Variants in EFCAB5 observed in about 807,000 individuals in gnomAD.
EFCAB5 encodes the protein EF-hand calcium binding domain 5, also known as EF-hand calcium-binding domain-containing protein 5.
A neutral mutation model predicts 167.9 loss-of-function variants in EFCAB5; 131 were observed. The ratio of observed to expected loss-of-function variants is 0.78; its 90% CI spans 0.68 to 0.90. EFCAB5 has a LOEUF of 0.90. Ranked by LOEUF, EFCAB5 falls within the 40% of genes least tolerant of loss-of-function variation. The pLI, the probability that EFCAB5 is intolerant of heterozygous loss-of-function variation, is 0.00. For synonymous variants in EFCAB5, 574 were observed against 602.8 expected (o/e 0.95, Z 0.70); for missense variants, 1,663 against 1,745.2 (o/e 0.95, Z 0.84).
At chr17:30,034,182 G>C in intron 7 of EFCAB5, 48 bp from the exon 8 acceptor site, 2 of 1,587,176 alleles carry the variant, frequency 1.3e-6, no homozygotes, top group South Asian at 1.1e-5. Flanking sequence ...AATCCAAGTA[G>C]AGCATGGTTT....
chr17:30,053,113 C>G (rs2070146496), intron 9 of EFCAB5, 142 bp from the exon 10 acceptor site: 2 of 958,914 alleles, frequency 2.1e-6, no homozygotes, highest in East Asian at 5.1e-5. Context: ...GTGTTGCAGC[C>G]AAAGATAACT....
chr17:30,080,804 C>A lies in EFCAB5; in HGVS notation c.3249C>A (p.Tyr1083Ter). 1 of 1,612,706 alleles carries A rather than the reference C, an allele frequency of 6.2e-7. No homozygotes were observed. The highest frequency in any genetic ancestry group is 8.5e-7 in the Non-Finnish European group (1 of 1,179,428). The change falls in exon 17 of 23, where the codon TAC becomes TAA. Residue 1083 changes from tyrosine to a stop codon, truncating the protein, a stop_gained. Transcript: ENST00000394835. LOFTEE classifies it high-confidence loss of function. ...GKPIHVPQVQ[Y>*]HGNIFFWNQS... ...CAATCCATGTTCCCCAAGTTCAGTA[C>A]CATGGGAACATCTTCTTCTGGAACC...
chr17:29,991,986 C>T (rs1185913606), intron 4 of EFCAB5, among the ~76,000 whole-genome samples: 4 of 152,112 alleles, frequency 2.6e-5, no homozygotes. Context: ...TGAAATCAAA[C>T]AAATTAGCAT....
chr17:30,004,637 T>C (rs1031207626), intron 7 of EFCAB5, among the ~76,000 whole-genome samples: 11 of 151,278 alleles, frequency 7.3e-5, no homozygotes, highest in Non-Finnish European at 1.3e-4. Context: ...TTTTTTTTTT[T>C]TGAGATGGAG....
At chr17:29,971,407 G>A (rs1044444238) in intron 4 of EFCAB5, among the ~76,000 whole-genome samples, 34 of 152,042 alleles carry the variant, frequency 2.2e-4, no homozygotes, top group Admixed American at 1.3e-4. Context: ...AAATAATAAT[G>A]GTGATATGGG....
intron 1 of EFCAB5, among the ~76,000 whole-genome samples, chr17:29,933,661 TG>T (rs2067221501): frequency 6.6e-6 from 1 of 152,168 alleles, no homozygotes; most frequent in Non-Finnish European, 1.5e-5. Context: ...ACCCTTAACT[TG>T]TATCAATACT....
chr17:30,062,400 A>C (rs1417853884), intron 14 of EFCAB5, among the ~76,000 whole-genome samples: 4 of 152,162 alleles, frequency 2.6e-5, no homozygotes, highest in African/African-American at 4.8e-5. Flanking sequence ...ACTTCTACCT[A>C]TGAAGTGGAA....
intron 7 of EFCAB5, among the ~76,000 whole-genome samples, chr17:30,025,723 T>A (rs1432773691): frequency 1.3e-5 from 2 of 152,188 alleles, no homozygotes; most frequent in African/African-American, 4.8e-5. Context: ...TGCACATGTG[T>A]GTTTATTGTG....
intron 7 of EFCAB5, among the ~76,000 whole-genome samples, chr17:30,033,494 G>C (rs1225516827): frequency 6.6e-6 from 1 of 152,146 alleles, no homozygotes; most frequent in Non-Finnish European, 1.5e-5. Context: ...ATTCGTTCCT[G>C]ACCTATCAAA....
intron 20 of EFCAB5, among the ~76,000 whole-genome samples, chr17:30,091,064 A>C (rs2071186317): frequency 6.6e-6 from 1 of 152,220 alleles, no homozygotes. Flanking sequence ...CCAGTCACAC[A>C]GTTAAGAAAT....
chr17:30,091,151 C>T (rs1477851064), intron 20 of EFCAB5, among the ~76,000 whole-genome samples: 2 of 152,124 alleles, frequency 1.3e-5, no homozygotes, highest in African/African-American at 2.4e-5. Flanking sequence ...CAGAACATCT[C>T]GTTTTACAGA....
At chr17:30,096,296 G>A (rs2071285593) in intron 22 of EFCAB5, among the ~76,000 whole-genome samples, 1 of 152,064 alleles carries the variant, frequency 6.6e-6, no homozygotes, top group South Asian at 2.1e-4. Context: ...TCTAACAGTA[G>A]TTATTAAGAG....
At chr17:30,084,009 A>C (rs2071039454) in intron 18 of EFCAB5, among the ~76,000 whole-genome samples, 1 of 152,142 alleles carries the variant, frequency 6.6e-6, no homozygotes, top group Admixed American at 6.5e-5. Context: ...AGTGGGTGGA[A>C]AGGTTTTTCC....
chr17:29,974,577 A>G (rs1244084643), intron 4 of EFCAB5, among the ~76,000 whole-genome samples: 1 of 152,062 alleles, frequency 6.6e-6, no homozygotes, highest in East Asian at 1.9e-4. Context: ...CTAGGTATAT[A>G]TATGTAAAAA....
intron 4 of EFCAB5, among the ~76,000 whole-genome samples, chr17:29,974,156 T>TAAA (rs556600386): frequency 1.7e-4 from 20 of 118,668 alleles, no homozygotes; most frequent in African/African-American, 6.1e-4. Flanking sequence ...AAACTCTATC[T>TAAA]AAAAAAAAAA....
intron 14 of EFCAB5, chr17:30,074,778 C>A (rs935558515): frequency 1.3e-5 from 2 of 152,136 alleles, no homozygotes; most frequent in African/African-American, 4.8e-5. Context: ...TTGAGCACGT[C>A]CTTGCTTTCT....
rs149442064 is a variant in EFCAB5 at position 30,011,376 on chromosome 17, A to G, written c.1044+11400A>G. ...GGTAGCTTGATGGGGATGGCACTGA[A>G]TCTATAAATTACCTTGGGCAGTATG... On this transcript the variant is annotated intron_variant, in intron 7 of 22. Coordinates refer to ENST00000394835, the MANE Select transcript of EFCAB5 (RefSeq NM_198529.4). Among the ~76,000 whole-genome samples the G allele has an allele frequency of 6.3e-3, 960 of 152,146 alleles. 5 individuals are homozygous for G. The highest frequency in any genetic ancestry group is 0.022 in the African/African-American group (921 of 41,512).
chr17:30,065,164 G>T (rs558878767), intron 14 of EFCAB5, among the ~76,000 whole-genome samples: 1 of 152,060 alleles, frequency 6.6e-6, no homozygotes, highest in Admixed American at 6.5e-5. Context: ...AAAGGAGAAA[G>T]AAAAGAATCA....
intron 7 of EFCAB5, among the ~76,000 whole-genome samples, chr17:30,015,932 C>T (rs1162552111): frequency 1.3e-5 from 2 of 151,940 alleles, no homozygotes; most frequent in Non-Finnish European, 2.9e-5. Flanking sequence ...GTGCTTGCCA[C>T]CACGCCCAGC....
Sources: allele counts gnomAD v4.1 joint callset (sites outside exome capture counted in the v4.1 genomes callset), GRCh38; gene constraint gnomAD v4.1.1; transcripts MANE v1.5; gene names NCBI Gene and HGNC (gene_info 2026-07-23, HGNC 2026-07-21).